The following USP32 variants were observed in gnomAD, a reference collection of about 807,000 sequenced individuals.
USP32 encodes ubiquitin specific peptidase 32, also known as ubiquitin carboxyl-terminal hydrolase 32.
A neutral mutation model predicts 204.8 loss-of-function variants in USP32; 59 were observed. That is an observed-to-expected ratio of 0.29 (90% CI 0.23 to 0.36). The LOEUF (loss-of-function observed/expected upper bound fraction) is 0.36, where lower values mean the gene tolerates loss of function less well. Ranked by LOEUF, USP32 falls within the 10% of genes least tolerant of loss-of-function variation. The pLI is 1.00. For missense variants in USP32, 1,160 were observed against 1,946.4 expected, an observed-to-expected ratio of 0.60 and a Z score of 7.60; for synonymous variants, 517 against 678.4, an observed-to-expected ratio of 0.76 and a Z score of 3.70.
At chr17:60,220,472 T>C (rs981144748) in intron 15 of USP32, among the ~76,000 whole-genome samples, 10 of 152,256 alleles carry the variant, frequency 6.6e-5, no homozygotes, top group Admixed American at 5.2e-4. Context: ...AACAAAAAAT[T>C]TGGATGTAAA....
At chr17:60,351,197 T>C (rs2088938652) in intron 1 of USP32, among the ~76,000 whole-genome samples, 1 of 151,906 alleles carries the variant, frequency 6.6e-6, no homozygotes, top group African/African-American at 2.4e-5. Context: ...GTAGTTAGAC[T>C]CTCTGGACCC....
chr17:60,254,485 G>A (rs1237087178), intron 10 of USP32, among the ~76,000 whole-genome samples: 1 of 152,156 alleles, frequency 6.6e-6, no homozygotes, highest in African/African-American at 2.4e-5. Context: ...AGAACTACTT[G>A]AGCCTAGGAG....
At chr17:60,300,449 A>G (rs2087545543) in intron 3 of USP32, among the ~76,000 whole-genome samples, 1 of 152,140 alleles carries the variant, frequency 6.6e-6, no homozygotes. Context: ...TCATTATAGC[A>G]TTTCCCTGAT....
upstream of USP32, chr17:60,392,761 C>T: frequency 3.1e-6 from 1 of 326,536 alleles, no homozygotes; most frequent in Non-Finnish European, 6.2e-6. Context: ...CGGGAGATCC[C>T]TGAGGAAAGT....
At chr17:60,373,116 C>A (rs1490597033) in intron 1 of USP32, among the ~76,000 whole-genome samples, 1 of 152,118 alleles carries the variant, frequency 6.6e-6, no homozygotes, top group Non-Finnish European at 1.5e-5. Context: ...TCTCTTGAGC[C>A]CAGGAGCTCG....
At chr17:60,309,932 T>C in intron 2 of USP32, among the ~76,000 whole-genome samples, 1 of 152,048 alleles carries the variant, frequency 6.6e-6, no homozygotes, top group Non-Finnish European at 1.5e-5. Context: ...TAATCCAAGC[T>C]AGTCGGAAGT....
intron 1 of USP32, among the ~76,000 whole-genome samples, chr17:60,364,034 A>G (rs979985816): frequency 2.0e-5 from 3 of 152,200 alleles, no homozygotes; most frequent in South Asian, 2.1e-4. Flanking sequence ...CTCAGATTAG[A>G]TAATTTATAA....
chr17:60,373,872 A>T (rs2089490944), intron 1 of USP32, among the ~76,000 whole-genome samples: 1 of 152,212 alleles, frequency 6.6e-6, no homozygotes, highest in Non-Finnish European at 1.5e-5. Flanking sequence ...ATCTTTATTT[A>T]AAAAGTTTTT....
intron 9 of USP32, among the ~76,000 whole-genome samples, chr17:60,263,522 T>G (rs879510112): frequency 1.3e-5 from 2 of 152,168 alleles, no homozygotes; most frequent in Non-Finnish European, 2.9e-5. Context: ...TACATGGAAA[T>G]GAAGCAGCTA....
chr17:60,274,657 C>T (rs781165028), intron 5 of USP32, among the ~76,000 whole-genome samples: 6 of 152,032 alleles, frequency 3.9e-5, no homozygotes, highest in Non-Finnish European at 7.4e-5. Context: ...AATTCTGTAT[C>T]ACGTGAAAAT....
intron 5 of USP32, among the ~76,000 whole-genome samples, chr17:60,284,372 G>A (rs2145835702): frequency 6.6e-6 from 1 of 151,594 alleles, no homozygotes; most frequent in South Asian, 2.1e-4. Context: ...TGCCACCATG[G>A]TTGGCTAATT....
At chr17:60,210,386 A>T (rs2084930897) in intron 21 of USP32, among the ~76,000 whole-genome samples, 2 of 151,528 alleles carry the variant, frequency 1.3e-5, no homozygotes. Context: ...ATCTTGGCTC[A>T]TTGCAAACAC....
intron 1 of USP32, among the ~76,000 whole-genome samples, chr17:60,403,544 T>A (rs1360680396): frequency 1.3e-5 from 2 of 152,296 alleles, no homozygotes; most frequent in Admixed American, 6.5e-5. Flanking sequence ...GATCTCATCA[T>A]CTAGATCAGG....
Position 60,181,323 on chromosome 17 carries a change from C to T in USP32, c.4548+1G>A. The stretch of plus-strand genomic sequence containing the variant: ...TGAAAACCATATAATAAACCACTTA[C>T]CGAAATTGCATATAGATTATAAATA... On this transcript the variant is annotated splice_donor_variant, in intron 32 of 33. Coordinates refer to ENST00000300896, the MANE Select transcript of USP32 (RefSeq NM_032582.4). LOFTEE classifies it high-confidence loss of function. 1 of 1,605,700 alleles carries T rather than the reference C, an allele frequency of 6.2e-7. No homozygotes were observed. Among genetic ancestry groups the T allele is most frequent in the Non-Finnish European group, 8.5e-7 (1 of 1,175,134 alleles).
chr17:60,214,281 A>T (rs1312234840), intron 17 of USP32, among the ~76,000 whole-genome samples: 1 of 152,114 alleles, frequency 6.6e-6, no homozygotes, highest in Non-Finnish European at 1.5e-5. Context: ...TCTTTGTAAC[A>T]TGTAATCTTT....
intron 1 of USP32, among the ~76,000 whole-genome samples, chr17:60,418,403 T>G (rs1448006533): frequency 2.0e-5 from 3 of 151,246 alleles, no homozygotes; most frequent in African/African-American, 4.9e-5. Flanking sequence ...TCTGTTTTTT[T>G]TTTTTTTTTT....
At position 60,208,926 on chromosome 17, in the gene USP32, G is replaced by A. The variant is rs2084896556; in HGVS notation, c.2599-98C>T. The A allele has an allele frequency of 5.5e-6, 7 of 1,281,784 alleles. No individual in the cohort carries two copies. The South Asian group carries it at 1.3e-4, about 23-fold the overall frequency. The allele number at this position is 1,281,784 out of a possible 1,614,324, so 79.4% of individuals were successfully genotyped here. On this transcript the variant is annotated intron_variant, in intron 22 of 33. Coordinates refer to ENST00000300896, the MANE Select transcript of USP32 (RefSeq NM_032582.4). ...CTAGTTAAATATATTGGATTTAAAT[G>A]TAAAGAATATAATCCTTACTCTTCA...
intron 11 of USP32, among the ~76,000 whole-genome samples, chr17:60,239,816 C>A (rs2085828839): frequency 1.3e-5 from 2 of 152,228 alleles, no homozygotes; most frequent in African/African-American, 2.4e-5. Context: ...TCACTACAAC[C>A]TCCGCCTCCC....
At chr17:60,290,994 C>T (rs2087259148) in intron 4 of USP32, among the ~76,000 whole-genome samples, 2 of 152,326 alleles carry the variant, frequency 1.3e-5, no homozygotes, top group South Asian at 4.1e-4. Flanking sequence ...GTCCTAAGAA[C>T]TGCTCTAAAT....
Sources: gnomAD v4.1 joint callset for allele counts (sites outside exome capture counted in the v4.1 genomes callset) on GRCh38, gnomAD v4.1.1 for gene constraint, MANE v1.5 for transcripts, NCBI Gene and HGNC (gene_info 2026-07-23, HGNC 2026-07-21) for gene names.